The following EXOC6B variants were observed in gnomAD, a reference collection of about 807,000 sequenced individuals.
EXOC6B encodes the protein SEC15 homolog B.
In EXOC6B, 54 loss-of-function variants were observed where a neutral mutation model predicts 113.5. That is an observed-to-expected ratio of 0.48 (90% CI 0.38 to 0.60). The LOEUF (loss-of-function observed/expected upper bound fraction) is 0.60. EXOC6B is among the 20% of genes least tolerant of loss of function. The probability of loss-of-function intolerance (pLI) is 0.00; values close to 1 mark genes in which losing one functional copy is unlikely to be tolerated. For missense variants in EXOC6B, 797 were observed against 977.5 expected (o/e 0.82, Z 2.46); for synonymous variants, 357 against 339.0 (o/e 1.05, Z -0.58).
intron 6 of EXOC6B, among the ~76,000 whole-genome samples, chr2:72,679,492 G>A (rs1676538265): frequency 6.6e-6 from 1 of 152,170 alleles, no homozygotes; most frequent in Non-Finnish European, 1.5e-5. Flanking sequence ...GGGTTTCTTA[G>A]TTGTAATCTG....
chr2:72,419,964 T>G (rs6758324), intron 18 of EXOC6B, among the ~76,000 whole-genome samples: 9,256 of 152,212 alleles, frequency 0.061, 322 homozygotes, highest in Non-Finnish European at 0.076. Context: ...ATAGGTCCCT[T>G]GGGTTGTGTT....
At chr2:72,404,895 C>T (rs931978245) in intron 18 of EXOC6B, among the ~76,000 whole-genome samples, 4 of 151,822 alleles carry the variant, frequency 2.6e-5, no homozygotes, top group African/African-American at 7.3e-5. Context: ...AGGCTTCAGA[C>T]GATCAAACTA....
At chr2:72,689,852 T>C (rs1435775108) in intron 6 of EXOC6B, among the ~76,000 whole-genome samples, 1 of 152,198 alleles carries the variant, frequency 6.6e-6, no homozygotes, top group Non-Finnish European at 1.5e-5. Context: ...TTAAAGAGAC[T>C]GTCGAAAGCA....
intron 8 of EXOC6B, among the ~76,000 whole-genome samples, chr2:72,532,809 A>G (rs1702082402): frequency 6.6e-6 from 1 of 152,086 alleles, no homozygotes; most frequent in Non-Finnish European, 1.5e-5. Flanking sequence ...CTCCATCTCA[A>G]ACAACAACGA....
intron 5 of EXOC6B, among the ~76,000 whole-genome samples, chr2:72,718,628 C>T (rs1238512084): frequency 7.9e-5 from 12 of 152,168 alleles, no homozygotes; most frequent in African/African-American, 2.9e-4. Context: ...GAGGCCAAGA[C>T]AGGTGGATCA....
intron 20 of EXOC6B, among the ~76,000 whole-genome samples, chr2:72,318,748 A>C (rs914834885): frequency 6.6e-6 from 1 of 152,222 alleles, no homozygotes; most frequent in Non-Finnish European, 1.5e-5. Context: ...AATACCTTCC[A>C]TCAGAGAATA....
rs570242293 is a variant in EXOC6B at position 72,246,811 on chromosome 2, C to T, written c.2197-62624G>A. On this transcript the variant is annotated intron_variant, in intron 20 of 21. Transcript: ENST00000272427. ...GTTAATTTAGGAAGCAGTTGTTATC[C>T]TATCTATGGAGACAGAGCTAAACTG... Among the ~76,000 whole-genome samples, 4 of 152,298 alleles carry T rather than the reference C, an allele frequency of 2.6e-5. No individual in the cohort carries two copies. In the East Asian group the frequency reaches 7.7e-4, roughly 29 times the overall value.
chr2:72,451,107 T>C (rs144126503), intron 18 of EXOC6B, among the ~76,000 whole-genome samples: 4 of 152,296 alleles, frequency 2.6e-5, no homozygotes, highest in East Asian at 1.9e-4. Flanking sequence ...TGTTTTACAA[T>C]AGCAAAAATA....
At chr2:72,573,527 C>T (rs13025483) in intron 7 of EXOC6B, among the ~76,000 whole-genome samples, 6 of 152,146 alleles carry the variant, frequency 3.9e-5, no homozygotes, top group African/African-American at 1.2e-4. Flanking sequence ...TCCCCTCTAT[C>T]TCTTTCTATC....
intron 1 of EXOC6B, among the ~76,000 whole-genome samples, chr2:72,819,004 C>T (rs1393475608): frequency 6.6e-6 from 1 of 152,138 alleles, no homozygotes; most frequent in African/African-American, 2.4e-5. Flanking sequence ...GTGCCCACTC[C>T]GGACTCTATA....
At position 72,184,060 on chromosome 2, in the gene EXOC6B, G is replaced by A. The variant is rs377522391; in HGVS notation, c.2309+15C>T. The A allele has an allele frequency of 2.4e-4, 342 of 1,446,422 alleles. No individual in the cohort carries two copies. Among genetic ancestry groups the A allele is most frequent in the Non-Finnish European group, 3.1e-4 (325 of 1,050,102 alleles). The allele number at this position is 1,446,422 out of a possible 1,614,324, so 89.6% of individuals were successfully genotyped here. On this transcript the variant is annotated intron_variant, in intron 21 of 21. Transcript: ENST00000272427. ...TCCCCACCTCCCAACACAGACCATTGGACAAGGTACTCACTTCTCAAGCAG... is the reference window on the plus strand; with the variant it reads ...TCCCCACCTCCCAACACAGACCATTAGACAAGGTACTCACTTCTCAAGCAG...
intron 1 of EXOC6B, among the ~76,000 whole-genome samples, chr2:72,743,460 T>C (rs1681478182): frequency 6.6e-6 from 1 of 152,198 alleles, no homozygotes; most frequent in South Asian, 2.1e-4. Flanking sequence ...CCCTGGCTTT[T>C]TTTAAAGCCT....
chr2:72,198,059 G>T (rs985455552), intron 20 of EXOC6B, among the ~76,000 whole-genome samples: 1 of 152,068 alleles, frequency 6.6e-6, no homozygotes, highest in Admixed American at 6.5e-5. Flanking sequence ...TCATTGGCAG[G>T]GTATACCACA....
At chr2:72,543,579 A>G (rs1488524275) in intron 8 of EXOC6B, among the ~76,000 whole-genome samples, 1 of 152,148 alleles carries the variant, frequency 6.6e-6, no homozygotes, top group Non-Finnish European at 1.5e-5. Context: ...AGGCTAAATG[A>G]TATGTATGCC....
chr2:72,515,424 A>G, intron 8 of EXOC6B: 1 of 1,173,322 alleles, frequency 8.5e-7, no homozygotes, highest in Non-Finnish European at 1.1e-6. Flanking sequence ...ACAAGAATGC[A>G]GGGAAACCAA....
intron 6 of EXOC6B, among the ~76,000 whole-genome samples, chr2:72,637,172 C>T (rs1471230182): frequency 6.6e-6 from 1 of 151,708 alleles, no homozygotes; most frequent in African/African-American, 2.4e-5. Flanking sequence ...AGTCAAAAAC[C>T]AAAATGAAAA....
chr2:72,254,361 A>G (rs186222995), intron 20 of EXOC6B, among the ~76,000 whole-genome samples: 73 of 152,322 alleles, frequency 4.8e-4, no homozygotes, highest in African/African-American at 1.6e-3. Flanking sequence ...TCACAAGCCA[A>G]GGAATTCTAA....
chr2:72,518,513 T>C (rs890271365), intron 8 of EXOC6B, among the ~76,000 whole-genome samples: 1 of 151,860 alleles, frequency 6.6e-6, no homozygotes, highest in African/African-American at 2.4e-5. Flanking sequence ...TGTGTGTGTG[T>C]GTGTGTGGTG....
At chr2:72,777,102 G>A (rs982210047) in intron 1 of EXOC6B, among the ~76,000 whole-genome samples, 4 of 152,070 alleles carry the variant, frequency 2.6e-5, no homozygotes, top group Non-Finnish European at 5.9e-5. Flanking sequence ...TCAGCCAGGC[G>A]TGGTGGCACA....
Sources: gnomAD v4.1 joint callset for allele counts (sites outside exome capture counted in the v4.1 genomes callset) on GRCh38, gnomAD v4.1.1 for gene constraint, MANE v1.5 for transcripts, NCBI Gene and HGNC (gene_info 2026-07-23, HGNC 2026-07-21) for gene names.